ADCK5: variants seen among roughly 807,000 people sequenced by gnomAD.
ADCK5 encodes the protein uncharacterized aarF domain-containing protein kinase 5.
ADCK5 carries 43 observed loss-of-function variants against 64.9 expected under a neutral mutation model. That is an observed-to-expected ratio of 0.66 (90% CI 0.52 to 0.85). ADCK5 has a LOEUF of 0.85. Among genes scored for constraint, ADCK5 ranks in the 40% least tolerant of loss-of-function variants. ADCK5 has a pLI of 0.00. For missense variants in ADCK5, 760 were observed against 810.5 expected (o/e 0.94, Z 0.76); for synonymous variants, 434 against 342.8 (o/e 1.27, Z -2.94).
chr8:144,391,884 G>T lies in ADCK5; in HGVS notation c.1014+18G>T. ...TGCATGACGTGAGTGCGGGGGGGCG[G>T]GGGCGGGTCAGGGCGGGCTGGTGCT... On this transcript the variant is annotated intron_variant, in intron 9 of 14. Transcript: ENST00000308860. The T allele has an allele frequency of 6.2e-7, 1 of 1,605,310 alleles. No individual in the cohort carries two copies. The highest frequency in any genetic ancestry group is 8.5e-7 in the Non-Finnish European group (1 of 1,178,394).
rs191461275 is a variant in ADCK5, at chr8:144,385,207, C to T, written c.266+1977C>T. On this transcript the variant is annotated intron_variant, in intron 3 of 14. Transcript: ENST00000308860. ...TTTTCTTTTTTTTTTTTTTTTGAGA[C>T]GGAGTCTTGCTCTGTCACCCAGGGT... Among the ~76,000 whole-genome samples, 276 of 146,352 alleles carry T rather than the reference C, an allele frequency of 1.9e-3. 1 individual carries two copies. Among genetic ancestry groups the T allele is most frequent in the African/African-American group, 6.4e-3 (254 of 39,694 alleles).
chr8:144,388,508 T>G (rs548586553), intron 3 of ADCK5, among the ~76,000 whole-genome samples: 1 of 150,882 alleles, frequency 6.6e-6, no homozygotes, highest in South Asian at 2.1e-4. Flanking sequence ...CTCACGCCTG[T>G]AATCCCAGCA....
At chr8:144,381,498 G>C (rs1389062089) in intron 2 of ADCK5, among the ~76,000 whole-genome samples, 1 of 138,832 alleles carries the variant, frequency 7.2e-6, no homozygotes, top group African/African-American at 2.9e-5. Flanking sequence ...TCAGATGTGT[G>C]CTCAGGCCCC....
At position 144,391,367 on chromosome 8, in the gene ADCK5, T is replaced by C; in HGVS notation, c.691T>C (p.Tyr231His). ...DGTSVAVKVQ[Y>H]IDLRDRFDGD... The stretch of plus-strand genomic sequence containing the variant: ...ACACCCTCGCCCAGTGCAGGTGCAG[T>C]ACATCGACCTGCGGGACCGCTTTGA... Residue 231 changes from tyrosine (Y) to histidine (H), a missense_variant, in exon 7 of 15, where the codon TAC becomes CAC. Tyr to His is a moderately conservative substitution (Grantham distance 83). This residue lies in a region of ADCK5 where 427 missense variants were observed against 518.4 expected (regional missense o/e 0.82). Transcript: ENST00000308860. The C allele has an allele frequency of 6.2e-7, 1 of 1,613,154 alleles. No homozygotes were observed. The highest frequency in any genetic ancestry group is 8.5e-7 in the Non-Finnish European group (1 of 1,179,994).
At chr8:144,385,691 T>C (rs1328186401) in intron 3 of ADCK5, among the ~76,000 whole-genome samples, 2 of 150,622 alleles carry the variant, frequency 1.3e-5, no homozygotes, top group African/African-American at 4.9e-5. Flanking sequence ...TGGCCGGGCA[T>C]GGTGGCTCAC....
At chr8:144,374,376 T>C (rs1170191962) in intron 1 of ADCK5, among the ~76,000 whole-genome samples, 2 of 151,978 alleles carry the variant, frequency 1.3e-5, no homozygotes, top group African/African-American at 4.8e-5. Context: ...CGACTCTGTT[T>C]AGCAGAGTCG....
rs1820418357 is a variant in ADCK5 at position 144,393,172 on chromosome 8, C to T, written c.*98C>T. ...ACACCCCGAGCCCCGTGGGCACTCG[C>T]ACTGGGGGGCTGTGACAGCAGCTGG... On this transcript the variant is annotated 3_prime_UTR_variant, in exon 15 of 15. Coordinates refer to ENST00000308860, the MANE Select transcript of ADCK5 (RefSeq NM_174922.5). 5 of 1,359,242 alleles carry T rather than the reference C, an allele frequency of 3.7e-6. No homozygotes were observed. The highest frequency in any genetic ancestry group is 1.5e-5 in the African/African-American group (1 of 67,954). 84.2% of individuals were successfully genotyped at this position (1,359,242 alleles called of 1,614,324 possible).
chr8:144,375,651 C>T, intron 1 of ADCK5: 1 of 985,484 alleles, frequency 1.0e-6, no homozygotes, highest in Non-Finnish European at 1.2e-6. Flanking sequence ...AGTGTTACCA[C>T]TCAGAATACT....
At chr8:144,390,271 T>C (rs1820149215) in intron 3 of ADCK5, among the ~76,000 whole-genome samples, 1 of 152,174 alleles carries the variant, frequency 6.6e-6, no homozygotes, top group Admixed American at 6.5e-5. Flanking sequence ...GGACCACAGG[T>C]GTGCACCACC....
intron 3 of ADCK5, chr8:144,389,118 G>C: frequency 2.7e-6 from 1 of 372,490 alleles, no homozygotes; most frequent in South Asian, 1.9e-5. Flanking sequence ...CTCCCACCCT[G>C]ATATCCTCCT....
At position 144,383,269 on chromosome 8, in the gene ADCK5, C is replaced by G. The variant is rs550818881; in HGVS notation, c.266+39C>G. ...GCGGCAGGCAGGGGTTGCGGCGTGG[C>G]GGGCGGGGTGTGTGCGGTGCAGGAT... On this transcript the variant is annotated intron_variant, in intron 3 of 14. Coordinates refer to ENST00000308860, the MANE Select transcript of ADCK5 (RefSeq NM_174922.5). 2.0e-6 allele frequency: 3 copies of G among 1,519,204 alleles called. No homozygotes were observed. The African/African-American group carries it at 4.1e-5, about 21-fold the overall frequency. The allele number at this position is 1,519,204 out of a possible 1,614,324, so 94.1% of individuals were successfully genotyped here. A position where few individuals can be genotyped will look rare whatever the true frequency, so the allele number is the denominator to read the frequency against.
chr8:144,374,068 C>A lies in ADCK5; in HGVS notation c.-28C>A, dbSNP rs1819263432. 3 of 1,246,370 alleles carry A rather than the reference C, an allele frequency of 2.4e-6. No individual in the cohort carries two copies. The African/African-American group carries it at 4.7e-5, about 19-fold the overall frequency. The allele number at this position is 1,246,370 out of a possible 1,614,324, so 77.2% of individuals were successfully genotyped here. ...CTGCGAGACGCTAAGCGGCGCCGGG[C>A]GGGAGAAGAGCGGAGCAGTGGTCGG... On this transcript the variant is annotated 5_prime_UTR_variant, in exon 1 of 15. Transcript: ENST00000308860.
chr8:144,379,029 G>A (rs1022789874), intron 1 of ADCK5, among the ~76,000 whole-genome samples: 2 of 151,628 alleles, frequency 1.3e-5, no homozygotes, highest in Non-Finnish European at 2.9e-5. Context: ...TGCCTCCCGG[G>A]TTCAAGCGAT....
At chr8:144,391,501 GC>G in intron 7 of ADCK5, 27 bp downstream of exon 7, 1 of 1,598,534 alleles carries the variant, frequency 6.3e-7, no homozygotes, top group Non-Finnish European at 8.5e-7. Flanking sequence ...TCCCCGGCCA[GC>G]AGGAGCAAAC....
chr8:144,391,866 C>T lies in ADCK5; in HGVS notation c.1014C>T (p.Asp338=), dbSNP rs1475769845. The change falls in exon 9 of 15, where the codon GAC becomes GAT. Residue 338 remains aspartate (D), a splice_region_variant and synonymous_variant. Coordinates refer to ENST00000308860, the MANE Select transcript of ADCK5 (RefSeq NM_174922.5). ...AIRSQGLAVH[D]IAEKLIKAFA... ...GGAGCCAGGGGCTGGCAGTGCATGA[C>T]GTGAGTGCGGGGGGGCGGGGGCGGG... 70 of 677,312 alleles carry T rather than the reference C, an allele frequency of 1.0e-4. No homozygotes were observed. Among genetic ancestry groups the T allele is most frequent in the Non-Finnish European group, 1.4e-4 (63 of 453,490 alleles). The allele number at this position is 677,312 out of a possible 1,614,324, so 42.0% of individuals were successfully genotyped here. A position where few individuals can be genotyped will look rare whatever the true frequency, so the allele number is the denominator to read the frequency against.
intron 3 of ADCK5, among the ~76,000 whole-genome samples, chr8:144,388,763 CAAA>C (rs1294944738): frequency 9.2e-5 from 10 of 109,254 alleles, no homozygotes; most frequent in Admixed American, 9.4e-5. Flanking sequence ...ACTCCGTCTC[CAAA>C]AAAAAAAAAA....
intron 3 of ADCK5, among the ~76,000 whole-genome samples, chr8:144,389,022 C>G (rs558935515): frequency 6.6e-6 from 1 of 152,224 alleles, no homozygotes; most frequent in Non-Finnish European, 1.5e-5. Flanking sequence ...GACCTCAGCC[C>G]CTCCCTGTGC....
rs1340894371 is a variant in ADCK5, at chr8:144,384,694, C to T, written c.266+1464C>T. ...GGTTCTGAAATGTCGGCTTGGCAGG[C>T]CTGGGTTTGTCTCACCCTCTATTTC... On this transcript the variant is annotated intron_variant, in intron 3 of 14. Transcript: ENST00000308860. The surrounding 1 kb of genome is among the most constrained non-coding windows in gnomAD (Gnocchi z 5.7). Among the ~76,000 whole-genome samples, 2 of 152,206 alleles carry T rather than the reference C, an allele frequency of 1.3e-5. No individual in the cohort carries two copies. The highest frequency in any genetic ancestry group is 4.8e-5 in the African/African-American group (2 of 41,452).
At chr8:144,387,306 T>G (rs182519175) in intron 3 of ADCK5, among the ~76,000 whole-genome samples, 39 of 152,364 alleles carry the variant, frequency 2.6e-4, no homozygotes, top group African/African-American at 8.9e-4. Flanking sequence ...GCACATGATT[T>G]CGGTTTCCCC....
Sources: allele counts gnomAD v4.1 joint callset (sites outside exome capture counted in the v4.1 genomes callset), GRCh38; gene constraint gnomAD v4.1.1; regional missense constraint gnomAD v4.1.1; non-coding constraint Gnocchi (gnomAD v3.1); transcripts MANE v1.5; gene names NCBI Gene and HGNC (gene_info 2026-07-23, HGNC 2026-07-21).